The following DNAJC5 variants were observed in gnomAD, a reference collection of about 807,000 sequenced individuals.
DNAJC5 encodes DnaJ heat shock protein family (Hsp40) member C5, also known as dnaJ homolog subfamily C member 5.
A neutral mutation model predicts 23.2 loss-of-function variants in DNAJC5; 1 was observed. The observed-to-expected ratio is 0.04, with a 90% CI of 0.02 to 0.20. The LOEUF (loss-of-function observed/expected upper bound fraction) is 0.20, where lower values mean the gene tolerates loss of function less well. Ranked by LOEUF, DNAJC5 falls within the 10% of genes least tolerant of loss-of-function variation. DNAJC5 has a pLI of 1.00. For synonymous variants in DNAJC5, 136 were observed against 120.0 expected (o/e 1.13, Z -0.87); for missense variants, 180 against 267.0 (o/e 0.67, Z 2.27).
intron 1 of DNAJC5, chr20:63,919,373 G>C (rs548881240): frequency 5.8e-6 from 3 of 517,704 alleles, no homozygotes; most frequent in African/African-American, 3.8e-5. Flanking sequence ...ACGTGTCCGG[G>C]GAGAGGACGC....
chr20:63,924,032 C>G (rs1292883261), intron 1 of DNAJC5, among the ~76,000 whole-genome samples: 1 of 152,130 alleles, frequency 6.6e-6, no homozygotes, highest in East Asian at 1.9e-4. Flanking sequence ...CTCGATTCTG[C>G]TGTTGTGTGT....
rs370655221 is a variant in DNAJC5 at position 63,932,301 on chromosome 20, G to A, written c.*733G>A. 1 of 152,656 alleles carries A rather than the reference G, an allele frequency of 6.6e-6. No individual in the cohort carries two copies. Among genetic ancestry groups the A allele is most frequent in the Non-Finnish European group, 1.5e-5 (1 of 68,266 alleles). 9.5% of individuals were successfully genotyped at this position (152,656 alleles called of 1,614,324 possible). On this transcript the variant is annotated 3_prime_UTR_variant, in exon 5 of 5. Coordinates refer to ENST00000360864, the MANE Select transcript of DNAJC5 (RefSeq NM_025219.3). The surrounding 1 kb of genome is among the most constrained non-coding windows in gnomAD (Gnocchi z 4.4). Reference sequence around the variant, plus strand: ...GCGGTGTTTCTCGCCTGGTCGTCTCGTCGTGTGGACGCTGCCGTTCTGGTT... The same window carrying A: ...GCGGTGTTTCTCGCCTGGTCGTCTCATCGTGTGGACGCTGCCGTTCTGGTT...
intron 1 of DNAJC5, among the ~76,000 whole-genome samples, chr20:63,895,633 G>A (rs1434774615): frequency 9.2e-5 from 14 of 151,672 alleles, no homozygotes; most frequent in Non-Finnish European, 1.3e-4. Context: ...CGCCCCCTCC[G>A]CTCCCCCAGG....
Position 63,929,814 on chromosome 20 carries a change from T to C in DNAJC5, c.321+289T>C, listed in dbSNP as rs1056482390. On this transcript the variant is annotated intron_variant, in intron 3 of 4. Transcript: ENST00000360864. This position sits in a 1 kb window ranked among gnomAD's most constrained non-coding sequence, Gnocchi z 8.6. ...TCCCAGCATTGCAGAGCCCATGCGT[T>C]GATGCCAGCAACTCTACACTCCTGA... 3.3e-5 allele frequency among the ~76,000 whole-genome samples: 5 copies of C among 152,240 alleles called. No homozygotes were observed. The highest frequency in any genetic ancestry group is 4.8e-5 in the African/African-American group (2 of 41,466).
chr20:63,923,643 T>C (rs1162972134), intron 1 of DNAJC5, among the ~76,000 whole-genome samples: 1 of 152,036 alleles, frequency 6.6e-6, no homozygotes, highest in African/African-American at 2.4e-5. Context: ...GGGGATCAGC[T>C]GAGCCCAGGA....
At chr20:63,911,640 C>G (rs1452048106) in intron 1 of DNAJC5, among the ~76,000 whole-genome samples, 3 of 151,338 alleles carry the variant, frequency 2.0e-5, no homozygotes, top group African/African-American at 7.3e-5. Flanking sequence ...AAGCTGAAAT[C>G]TTTTGGGGAT....
intron 1 of DNAJC5, among the ~76,000 whole-genome samples, chr20:63,924,927 C>T (rs189687572): frequency 4.4e-4 from 67 of 152,352 alleles, no homozygotes; most frequent in African/African-American, 1.3e-3. Context: ...CGGCCATTCC[C>T]GAGCTCATGT....
intron 1 of DNAJC5, among the ~76,000 whole-genome samples, chr20:63,926,271 G>A (rs1281250848): frequency 6.6e-6 from 1 of 152,162 alleles, no homozygotes; most frequent in Non-Finnish European, 1.5e-5. Flanking sequence ...TTGGCATGAA[G>A]TTGTTCGTAT....
chr20:63,899,136 A>G (rs1057032692), intron 1 of DNAJC5, among the ~76,000 whole-genome samples: 1 of 152,158 alleles, frequency 6.6e-6, no homozygotes, highest in East Asian at 1.9e-4. Context: ...CTGCTGGGAG[A>G]AAAAAGGAGG....
In DNAJC5 at chr20:63,931,365, G is replaced by C; in HGVS notation, c.494-100G>C. The C allele has an allele frequency of 2.6e-6, 3 of 1,151,926 alleles. No homozygotes were observed. The highest frequency in any genetic ancestry group is 3.8e-6 in the Non-Finnish European group (3 of 798,342). 71.4% of individuals were successfully genotyped at this position (1,151,926 alleles called of 1,614,324 possible). On this transcript the variant is annotated intron_variant, in intron 4 of 4. Coordinates refer to ENST00000360864, the MANE Select transcript of DNAJC5 (RefSeq NM_025219.3). The surrounding 1 kb of genome is among the most constrained non-coding windows in gnomAD (Gnocchi z 9.6). Reference sequence around the variant, plus strand: ...GGTCAGCGAGTAGCCTCTCCCGGTGGAGAGTTTGTCCAGGTGCCCGAAAGT... The same window carrying C: ...GGTCAGCGAGTAGCCTCTCCCGGTGCAGAGTTTGTCCAGGTGCCCGAAAGT...
chr20:63,931,360 C>A lies in DNAJC5; in HGVS notation c.494-105C>A. On this transcript the variant is annotated intron_variant, in intron 4 of 4. Coordinates refer to ENST00000360864, the MANE Select transcript of DNAJC5 (RefSeq NM_025219.3). This position sits in a 1 kb window ranked among gnomAD's most constrained non-coding sequence, Gnocchi z 9.6. ...GTGGAGGTCAGCGAGTAGCCTCTCCCGGTGGAGAGTTTGTCCAGGTGCCCG... is the reference window on the plus strand; with the variant it reads ...GTGGAGGTCAGCGAGTAGCCTCTCCAGGTGGAGAGTTTGTCCAGGTGCCCG... 9.1e-7 allele frequency: 1 copy of A among 1,100,438 alleles called. No homozygotes were observed. The highest frequency in any genetic ancestry group is 1.3e-6 in the Non-Finnish European group (1 of 751,518). The allele number at this position is 1,100,438 out of a possible 1,614,324, so 68.2% of individuals were successfully genotyped here.
intron 1 of DNAJC5, among the ~76,000 whole-genome samples, chr20:63,923,337 GA>G (rs2053586815): frequency 6.6e-6 from 1 of 151,402 alleles, no homozygotes; most frequent in Non-Finnish European, 1.5e-5. Context: ...AGCTGCTTGG[GA>G]TGCTGAGAAG....
In DNAJC5 at chr20:63,920,126, C is replaced by T. The variant is rs1448448383; in HGVS notation, c.-11-8209C>T. Among the ~76,000 whole-genome samples, 4 of 133,092 alleles carry T rather than the reference C, an allele frequency of 3.0e-5. No individual in the cohort carries two copies. Among genetic ancestry groups the T allele is most frequent in the Non-Finnish European group, 4.8e-5 (3 of 62,226 alleles). 87.3% of individuals were successfully genotyped at this position (133,092 alleles called of 152,430 possible). A position where few individuals can be genotyped will look rare whatever the true frequency, so the allele number is the denominator to read the frequency against. ...GTGCCCAGGGCCCGGGACAGCGCCACGGAAGAGGACGCACAGGACAGCGCC... is the reference window on the plus strand; with the variant it reads ...GTGCCCAGGGCCCGGGACAGCGCCATGGAAGAGGACGCACAGGACAGCGCC... On this transcript the variant is annotated intron_variant, in intron 1 of 4. Transcript: ENST00000360864. This position sits in a 1 kb window ranked among gnomAD's most constrained non-coding sequence, Gnocchi z 4.6.
rs1374320528 is a variant in DNAJC5 at position 63,928,431 on chromosome 20, A to G, written c.86A>G (p.Asp29Gly). The G allele has an allele frequency of 6.2e-7, 1 of 1,614,042 alleles. No homozygotes were observed. Among genetic ancestry groups the G allele is most frequent in the Admixed American group, 1.7e-5 (1 of 60,016 alleles). ...VLGLDKNATS[D>G]DIKKSYRKLA... is the part of the protein sequence containing the mutation. ...GGGTTGGACAAGAACGCAACCTCAGATGACATTAAAAAGTCCTATCGGTAA... is the reference window on the plus strand; with the variant it reads ...GGGTTGGACAAGAACGCAACCTCAGGTGACATTAAAAAGTCCTATCGGTAA... Residue 29 changes from aspartate to glycine, a missense_variant, in exon 2 of 5, where the codon GAT (aspartate) becomes GGT (glycine). Physicochemically the swap from Asp to Gly is moderately conservative, Grantham distance 94 (BLOSUM62 -1). Around this residue, in one of 3 missense-constraint regions of DNAJC5, gnomAD observed 77 missense variants for 106.8 expected, o/e 0.72. Transcript: ENST00000360864. This position sits in a 1 kb window ranked among gnomAD's most constrained non-coding sequence, Gnocchi z 4.6.
At chr20:63,909,820 G>C (rs988635296) in intron 1 of DNAJC5, among the ~76,000 whole-genome samples, 8 of 152,236 alleles carry the variant, frequency 5.3e-5, no homozygotes, top group Non-Finnish European at 1.2e-4. Flanking sequence ...AGAGCCTGCG[G>C]GGGGCAGCAG....
intron 1 of DNAJC5, among the ~76,000 whole-genome samples, chr20:63,923,198 A>G (rs2053585814): frequency 6.6e-6 from 1 of 150,546 alleles, no homozygotes. Flanking sequence ...GCTTGCACCT[A>G]TAATCCTGGC....
rs150357637 is a variant in DNAJC5 at position 63,929,719 on chromosome 20, A to T, written c.321+194A>T. 2.1e-4 allele frequency among the ~76,000 whole-genome samples: 24 copies of T among 115,556 alleles called. 1 individual carries two copies. The highest frequency in any genetic ancestry group is 4.5e-4 in the African/African-American group (14 of 30,856). The allele number at this position is 115,556 out of a possible 152,430, so 75.8% of individuals were successfully genotyped here. On this transcript the variant is annotated intron_variant, in intron 3 of 4. Transcript: ENST00000360864. This position sits in a 1 kb window ranked among gnomAD's most constrained non-coding sequence, Gnocchi z 8.6. ...CTCCTGCCGTGCGGGCGCCCGAGTC[A>T]CTCCTGCCGTGCGGGCACCCGAGTC...
At chr20:63,899,835 C>T (rs2053399581) in intron 1 of DNAJC5, among the ~76,000 whole-genome samples, 1 of 150,794 alleles carries the variant, frequency 6.6e-6, no homozygotes, top group Non-Finnish European at 1.5e-5. Flanking sequence ...CCCATCTTGG[C>T]CTCCCAAAGT....
At chr20:63,896,133 G>GT (rs1448939859) in intron 1 of DNAJC5, among the ~76,000 whole-genome samples, 1 of 152,192 alleles carries the variant, frequency 6.6e-6, no homozygotes, top group African/African-American at 2.4e-5. Flanking sequence ...TTATTTGCCT[G>GT]TTTAGAAAAA....
Sources: allele counts gnomAD v4.1 joint callset (sites outside exome capture counted in the v4.1 genomes callset), GRCh38; gene constraint gnomAD v4.1.1; regional missense constraint gnomAD v4.1.1; non-coding constraint Gnocchi (gnomAD v3.1); transcripts MANE v1.5; gene names NCBI Gene and HGNC (gene_info 2026-07-23, HGNC 2026-07-21).